Variants in TSPAN16 observed in about 807,000 individuals in gnomAD.
TSPAN16 encodes tetraspanin 16.
Under a neutral mutation model 25.2 loss-of-function variants are expected in TSPAN16, and 23 were observed. The ratio of observed to expected loss-of-function variants is 0.91; its 90% confidence interval spans 0.66 to 1.29. The LOEUF (loss-of-function observed/expected upper bound fraction) is 1.29, where lower values mean the gene tolerates loss of function less well. Among genes scored for constraint, TSPAN16 ranks in the 50% most tolerant of loss-of-function variants. The pLI is 0.00. For synonymous variants in TSPAN16, 123 were observed against 124.4 expected (o/e 0.99, Z 0.08); for missense variants, 272 against 299.9 (o/e 0.91, Z 0.69).
intron 2 of TSPAN16, 65 bp downstream of exon 2, chr19:11,298,404 G>C: frequency 3.3e-6 from 5 of 1,513,692 alleles, no homozygotes; most frequent in Non-Finnish European, 4.5e-6. Context: ...TTTATTGTGC[G>C]TGTTGCAAAC....
At chr19:11,300,346 CAAGTG>C (rs2080530842) in intron 3 of TSPAN16, among the ~76,000 whole-genome samples, 2 of 152,186 alleles carry the variant, frequency 1.3e-5, no homozygotes, top group Non-Finnish European at 2.9e-5. Context: ...TTATTCCACT[CAAGTG>C]GAGAGGGAGC....
rs72992904 is a variant in TSPAN16, at chr19:11,313,543, T to A, written c.687+1321T>A. Reference sequence around the variant, plus strand: ...CTCTGTCTCAAAAAAAAAAAAAAAATTATATCTTAATAAAAAGACAAGTAA... The same window carrying A: ...CTCTGTCTCAAAAAAAAAAAAAAAAATATATCTTAATAAAAAGACAAGTAA... On this transcript the variant is annotated intron_variant, in intron 6 of 6. Coordinates refer to ENST00000590327, the MANE Select transcript of TSPAN16 (RefSeq NM_001282509.2). 1.2e-3 allele frequency among the ~76,000 whole-genome samples: 142 copies of A among 113,632 alleles called. 2 individuals are homozygous for A. Among genetic ancestry groups the A allele is most frequent in the South Asian group, 2.5e-3 (9 of 3,550 alleles). The allele number at this position is 113,632 out of a possible 152,430, so 74.5% of individuals were successfully genotyped here. A position where few individuals can be genotyped will look rare whatever the true frequency, so the allele number is the denominator to read the frequency against.
chr19:11,321,717 C>T (rs1271873364), intron 6 of TSPAN16, among the ~76,000 whole-genome samples: 6 of 152,142 alleles, frequency 3.9e-5, no homozygotes, highest in Non-Finnish European at 5.9e-5. Context: ...CCCCGGGGGC[C>T]ACAGGAAGGA....
chr19:11,297,803 A>G (rs2080495279), intron 1 of TSPAN16, among the ~76,000 whole-genome samples: 2 of 149,356 alleles, frequency 1.3e-5, no homozygotes, highest in South Asian at 4.2e-4. Flanking sequence ...GGCCTATTTT[A>G]TTTTTTGAGA....
chr19:11,325,870 T>G (rs991051805), intron 6 of TSPAN16, among the ~76,000 whole-genome samples: 3 of 152,116 alleles, frequency 2.0e-5, no homozygotes, highest in African/African-American at 7.2e-5. Flanking sequence ...GGCCAGGAGT[T>G]CAAGACCAGC....
At chr19:11,297,928 A>C (rs992087775) in intron 1 of TSPAN16, among the ~76,000 whole-genome samples, 1 of 151,224 alleles carries the variant, frequency 6.6e-6, no homozygotes, top group African/African-American at 2.4e-5. Flanking sequence ...AGTAGCTGAG[A>C]CTACAGGCAC....
intron 4 of TSPAN16, among the ~76,000 whole-genome samples, chr19:11,304,771 G>T (rs1201441694): frequency 1.3e-5 from 2 of 151,772 alleles, no homozygotes; most frequent in African/African-American, 4.8e-5. Flanking sequence ...TGATCTGTCC[G>T]CCTCGGCCTC....
At chr19:11,315,741 T>A in intron 6 of TSPAN16, 50 bp from the exon 7 acceptor site, 1 of 1,214,292 alleles carries the variant, frequency 8.2e-7, no homozygotes, top group Non-Finnish European at 1.0e-6. Flanking sequence ...ATGATTCTGG[T>A]TTGGAGGTCT....
At chr19:11,308,809 A>G (rs2080658627) in intron 5 of TSPAN16, among the ~76,000 whole-genome samples, 1 of 151,720 alleles carries the variant, frequency 6.6e-6, no homozygotes, top group Non-Finnish European at 1.5e-5. Flanking sequence ...GGGTTTTACC[A>G]TGTTGGTCAG....
At chr19:11,313,067 T>G (rs2080710295) in intron 6 of TSPAN16, among the ~76,000 whole-genome samples, 1 of 152,036 alleles carries the variant, frequency 6.6e-6, no homozygotes. Context: ...AAAGAAAATA[T>G]CAGGCCCAGA....
chr19:11,312,082 C>G (rs1029953686), intron 5 of TSPAN16, 57 bp from the exon 6 acceptor site: 1 of 1,380,244 alleles, frequency 7.2e-7, no homozygotes, highest in Non-Finnish European at 1.0e-6. Context: ...TTGATGGGGA[C>G]TTGCAATCCA....
At chr19:11,307,306 G>T (rs1355629178) in intron 5 of TSPAN16, among the ~76,000 whole-genome samples, 1 of 147,578 alleles carries the variant, frequency 6.8e-6, no homozygotes, top group Non-Finnish European at 1.5e-5. Context: ...TTTTACTAGA[G>T]ATGGGGTTTC....
chr19:11,322,494 C>T (rs2080785740), intron 6 of TSPAN16: 1 of 152,138 alleles, frequency 6.6e-6, no homozygotes, highest in Non-Finnish European at 1.5e-5. Flanking sequence ...GACCAATCCC[C>T]TGGAGCTGGA....
At chr19:11,304,460 A>G (rs1476085862) in intron 4 of TSPAN16, among the ~76,000 whole-genome samples, 2 of 151,634 alleles carry the variant, frequency 1.3e-5, no homozygotes, top group Non-Finnish European at 2.9e-5. Flanking sequence ...CTTGTACCTC[A>G]GCCTCCCGAG....
intron 3 of TSPAN16, 100 bp downstream of exon 3, chr19:11,299,046 G>T: frequency 8.6e-7 from 1 of 1,164,418 alleles, no homozygotes; most frequent in Non-Finnish European, 1.3e-6. Context: ...TTGGGAGGCT[G>T]AGTCTGGTGG....
chr19:11,323,042 G>A (rs984214321), intron 6 of TSPAN16: 1 of 151,816 alleles, frequency 6.6e-6, no homozygotes, highest in African/African-American at 2.4e-5. Flanking sequence ...AACCCGGGAG[G>A]TGGAGGTTGC....
rs2080598042 is a variant in TSPAN16, at chr19:11,303,908, C to CA, written c.450+2601dup. Among the ~76,000 whole-genome samples, 4 of 151,674 alleles carry CA rather than the reference C, an allele frequency of 2.6e-5. No individual in the cohort carries two copies. In the South Asian group the frequency reaches 8.3e-4, roughly 31 times the overall value. On this transcript the variant is annotated intron_variant, in intron 4 of 6. Transcript: ENST00000590327. ...AAGTGATTGTCCTGCCTTAGCCTCC[C>CA]AGGTAGCTGGGATTACAGGCGTGCA...
downstream of TSPAN16, among the ~76,000 whole-genome samples, chr19:11,320,288 T>C (rs1348262880): frequency 6.6e-6 from 1 of 151,832 alleles, no homozygotes; most frequent in East Asian, 1.9e-4. Context: ...GGCCCAGCTA[T>C]TTGTTATATT....
At chr19:11,300,763 A>T in intron 3 of TSPAN16, 1 of 160,252 alleles carries the variant, frequency 6.2e-6, no homozygotes, top group Non-Finnish European at 1.4e-5. Context: ...ATTTCGAACC[A>T]CGTGCCTCTA....
Sources: allele counts gnomAD v4.1 joint callset (sites outside exome capture counted in the v4.1 genomes callset), GRCh38; gene constraint gnomAD v4.1.1; transcripts MANE v1.5; gene names NCBI Gene and HGNC (gene_info 2026-07-23, HGNC 2026-07-21).